TNFAIP8: variants seen among roughly 807,000 people sequenced by gnomAD.
TNFAIP8 encodes the protein TNF alpha induced protein 8.
A neutral mutation model predicts 13.3 loss-of-function variants in TNFAIP8; 7 were observed. The observed-to-expected ratio is 0.52, with a 90% CI of 0.30 to 0.99. The LOEUF is 0.99. TNFAIP8 is among the 50% of genes least tolerant of loss of function. TNFAIP8 has a pLI of 0.07. For synonymous variants in TNFAIP8, 94 were observed against 87.6 expected (o/e 1.07, Z -0.41); for missense variants, 258 against 236.9 (o/e 1.09, Z -0.58).
In TNFAIP8 at chr5:119,328,895, T is replaced by C. The variant is rs184477625; in HGVS notation, c.1+59988T>C. 3.4e-4 allele frequency among the ~76,000 whole-genome samples: 52 copies of C among 152,380 alleles called. 1 individual carries two copies. Among genetic ancestry groups the C allele is most frequent in the Admixed American group, 9.1e-4 (14 of 15,312 alleles). ...CTATAAAATGTCAGGCCTCTGTTTA[T>C]ATTCAGTTCAGTAGAGAATAAACCA... On this transcript the variant is annotated intron_variant, in intron 1 of 1. Coordinates refer to the TNFAIP8 transcript ENST00000274456.
chr5:119,364,403 C>T (rs747810064), intron 1 of TNFAIP8, among the ~76,000 whole-genome samples: 9 of 152,096 alleles, frequency 5.9e-5, no homozygotes, highest in Non-Finnish European at 1.0e-4. Flanking sequence ...AGTCTCACTC[C>T]GTCACCCAGG....
intron 1 of TNFAIP8, among the ~76,000 whole-genome samples, chr5:119,275,822 T>TG (rs1360449446): frequency 2.0e-5 from 3 of 152,082 alleles, no homozygotes; most frequent in African/African-American, 7.3e-5. Context: ...TTGACAGCTT[T>TG]TTTTTTCCCC....
chr5:119,390,113 T>A (rs1221556224), intron 1 of TNFAIP8, among the ~76,000 whole-genome samples: 1 of 152,226 alleles, frequency 6.6e-6, no homozygotes, highest in Non-Finnish European at 1.5e-5. Context: ...CTGGTTTCAA[T>A]ATTTCACAAC....
Position 119,398,360 on chromosome 5 carries a change from C to T in TNFAIP8, c.*4979C>T, listed in dbSNP as rs1328181443. On this transcript the variant is annotated 3_prime_UTR_variant, in exon 2 of 2. Transcript: ENST00000504771. ...TTCTTTCTACTTTGGTTTTTCCATT[C>T]AAAAGCTTACAGATGAATTCATTCG... 6.6e-6 allele frequency: 1 copy of T among 152,102 alleles called. No homozygotes were observed. Among genetic ancestry groups the T allele is most frequent in the Non-Finnish European group, 1.5e-5 (1 of 68,022 alleles). The allele number at this position is 152,102 out of a possible 1,614,324, so 9.4% of individuals were successfully genotyped here.
intron 1 of TNFAIP8, among the ~76,000 whole-genome samples, chr5:119,368,157 A>AT (rs1270155990): frequency 6.6e-6 from 1 of 151,856 alleles, no homozygotes; most frequent in African/African-American, 2.4e-5. Flanking sequence ...TTGAAATAGC[A>AT]TTTTTTTCCC....
At chr5:119,277,534 G>A (rs1437705482) in intron 1 of TNFAIP8, among the ~76,000 whole-genome samples, 2 of 152,050 alleles carry the variant, frequency 1.3e-5, no homozygotes, top group Non-Finnish European at 2.9e-5. Flanking sequence ...CCTCTTATAA[G>A]GATACCAATC....
chr5:119,321,751 C>T (rs988073719), intron 1 of TNFAIP8, among the ~76,000 whole-genome samples: 27 of 152,210 alleles, frequency 1.8e-4, no homozygotes, highest in Admixed American at 9.2e-4. Context: ...TGCTCTTGCA[C>T]TGTCACTCTC....
chr5:119,324,274 CAAAAAAAAAAAAAAAAAAAAA>C (rs56104829), intron 1 of TNFAIP8, among the ~76,000 whole-genome samples: 7,882 of 77,552 alleles, frequency 0.1, 427 homozygotes, highest in African/African-American at 0.17. Context: ...GACGCCATCT[CAAAAAAAAAAAAAAAAAAAAA>C]AAAAAAAAAA....
At chr5:119,372,923 T>C (rs777892977) in intron 1 of TNFAIP8, among the ~76,000 whole-genome samples, 5 of 152,210 alleles carry the variant, frequency 3.3e-5, no homozygotes, top group Admixed American at 6.5e-5. Context: ...ATGGCGCCAC[T>C]TCACTCCAGC....
intron 1 of TNFAIP8, among the ~76,000 whole-genome samples, chr5:119,289,178 T>A (rs1294515751): frequency 6.6e-6 from 1 of 152,258 alleles, no homozygotes; most frequent in Non-Finnish European, 1.5e-5. Flanking sequence ...ACTATACTTA[T>A]TGTATACAAT....
chr5:119,275,327 T>C (rs569315721), intron 1 of TNFAIP8, among the ~76,000 whole-genome samples: 7 of 152,054 alleles, frequency 4.6e-5, no homozygotes, highest in Non-Finnish European at 7.4e-5. Context: ...TAGTTGAAAA[T>C]CTAGACTTGA....
intron 1 of TNFAIP8, among the ~76,000 whole-genome samples, chr5:119,302,331 T>C (rs1022833134): frequency 1.3e-5 from 2 of 152,198 alleles, no homozygotes; most frequent in African/African-American, 4.8e-5. Flanking sequence ...AATATGGACA[T>C]CCTTTTATTA....
Position 119,281,306 on chromosome 5 carries a change from A to ACACACACACACTCTCTCT in TNFAIP8, c.1+12400_1+12401insACACACACACTCTCTCTC. On this transcript the variant is annotated intron_variant, in intron 1 of 1. Transcript: ENST00000274456. ...CACACATACACACACACACACACAC[A>ACACACACACACTCTCTCT]CTCTCTCTCTCTCACACTTACATGC... 4.3e-4 allele frequency among the ~76,000 whole-genome samples: 49 copies of ACACACACACACTCTCTCT among 114,214 alleles called. 1 individual carries two copies. The highest frequency in any genetic ancestry group is 4.5e-3 in the Middle Eastern group (1 of 222). 74.9% of individuals were successfully genotyped at this position (114,214 alleles called of 152,430 possible).
intron 1 of TNFAIP8, among the ~76,000 whole-genome samples, chr5:119,288,366 A>G (rs78493023): frequency 5.0e-4 from 76 of 152,344 alleles, no homozygotes; most frequent in Non-Finnish European, 8.8e-4. Context: ...AGGGAATGTC[A>G]GCATCATCTA....
intron 1 of TNFAIP8, among the ~76,000 whole-genome samples, chr5:119,290,939 A>T (rs145378957): frequency 6.6e-6 from 1 of 152,138 alleles, no homozygotes; most frequent in South Asian, 2.1e-4. Flanking sequence ...AGGGTCTTGC[A>T]TGCCAAGCTA....
At chr5:119,286,237 TC>T (rs773922528) in intron 1 of TNFAIP8, among the ~76,000 whole-genome samples, 2 of 152,142 alleles carry the variant, frequency 1.3e-5, no homozygotes, top group Admixed American at 6.5e-5. Flanking sequence ...TCACTGCACT[TC>T]CCCAGCCTTT....
At chr5:119,389,769 A>C (rs183886823) in intron 1 of TNFAIP8, among the ~76,000 whole-genome samples, 41 of 152,312 alleles carry the variant, frequency 2.7e-4, no homozygotes, top group African/African-American at 9.4e-4. Flanking sequence ...GAATAACCCA[A>C]AGAATAAAAG....
At chr5:119,294,385 T>C (rs1006544015) in intron 1 of TNFAIP8, among the ~76,000 whole-genome samples, 3 of 152,208 alleles carry the variant, frequency 2.0e-5, no homozygotes, top group Non-Finnish European at 4.4e-5. Flanking sequence ...CTCATCATTT[T>C]TTATGGCTGC....
In TNFAIP8 at chr5:119,392,847, G is replaced by A; in HGVS notation, c.63G>A (p.Leu21=). The A allele has an allele frequency of 6.4e-7, 1 of 1,551,172 alleles. No individual in the cohort carries two copies. Among genetic ancestry groups the A allele is most frequent in the Non-Finnish European group, 8.7e-7 (1 of 1,147,766 alleles). Residue 21 remains leucine, a synonymous_variant, in exon 2 of 2, where the codon CTG becomes CTA. Transcript: ENST00000504771. The part of the protein sequence containing the change: ...VATDVFNSKN[L]AVQAQKKILG... ...CAGATGTCTTTAATTCCAAAAACCT[G>A]GCCGTTCAGGCACAAAAGAAGATCT...
Sources: allele counts gnomAD v4.1 joint callset (sites outside exome capture counted in the v4.1 genomes callset), GRCh38; gene constraint gnomAD v4.1.1; transcripts MANE v1.5; gene names NCBI Gene and HGNC (gene_info 2026-07-23, HGNC 2026-07-21).